The following NT5E variants were observed in gnomAD, a reference collection of about 807,000 sequenced individuals.
NT5E encodes 5'-nucleotidase ecto.
Under a neutral mutation model 55.1 loss-of-function variants are expected in NT5E, and 53 were observed. That is an observed-to-expected ratio of 0.96 (90% CI 0.77 to 1.21). NT5E has a LOEUF of 1.21. NT5E is among the 50% of genes most tolerant of loss of function. NT5E has a pLI of 0.00. For missense variants in NT5E, 683 were observed against 724.3 expected (o/e 0.94, Z 0.65); for synonymous variants, 270 against 278.4 (o/e 0.97, Z 0.30).
At chr6:85,490,408 G>T in intron 6 of NT5E, 100 bp from the exon 7 acceptor site, 1 of 1,336,422 alleles carries the variant, frequency 7.5e-7, no homozygotes. Flanking sequence ...AGCTTCCCAT[G>T]TCCCCCTCAT....
At chr6:85,463,990 G>A (rs1044400446) in intron 1 of NT5E, among the ~76,000 whole-genome samples, 32 of 151,088 alleles carry the variant, frequency 2.1e-4, no homozygotes, top group African/African-American at 6.3e-4. Context: ...ATTCAACAGT[G>A]AATCCCTGCC....
intron 4 of NT5E, 29 bp downstream of exon 4, chr6:85,485,461 C>T: frequency 6.2e-7 from 1 of 1,605,402 alleles, no homozygotes; most frequent in Non-Finnish European, 8.5e-7. Flanking sequence ...AATGTTCCAC[C>T]AATCTAAAAT....
rs987442742 is a variant in NT5E at position 85,488,572 on chromosome 6, TTTAA to T, written c.1105-911_1105-908del. Among the ~76,000 whole-genome samples the T allele has an allele frequency of 7.2e-5, 11 of 152,048 alleles. No individual in the cohort carries two copies. The South Asian group carries it at 1.0e-3, about 14-fold the overall frequency. ...CTTTTGCTTTTTATTTATTTATTTA[TTTAA>T]TTAATTAATTTATTTATTTATTGAG... On this transcript the variant is annotated intron_variant, in intron 5 of 8. Transcript: ENST00000257770.
In NT5E at chr6:85,450,583, G is replaced by A. The variant is rs916876955; in HGVS notation, c.339+105G>A. On this transcript the variant is annotated intron_variant, in intron 1 of 8. Transcript: ENST00000257770. This position sits in a 1 kb window ranked among gnomAD's most constrained non-coding sequence, Gnocchi z 4.0. ...TGTGGCAAGCCTAGGTCCAGGGCGC[G>A]GAGAGATGTGGGGATAAAGTGAGAC... 1.0e-4 allele frequency: 106 copies of A among 1,059,600 alleles called. No homozygotes were observed. Among genetic ancestry groups the A allele is most frequent in the Admixed American group, 2.0e-4 (10 of 50,248 alleles). 65.6% of individuals were successfully genotyped at this position (1,059,600 alleles called of 1,614,324 possible).
rs919652588 is a variant in NT5E, at chr6:85,490,506, A to T, written c.1211-2A>T. The T allele has an allele frequency of 1.9e-6, 3 of 1,614,078 alleles. No individual in the cohort carries two copies. Among genetic ancestry groups the T allele is most frequent in the Admixed American group, 1.7e-5 (1 of 60,010 alleles). Reference sequence around the variant, plus strand: ...TCTTGCCTCATCTGTGACTACCCTCAGGCACAATTACCTGGGAGAACCTGG... The same window carrying T: ...TCTTGCCTCATCTGTGACTACCCTCTGGCACAATTACCTGGGAGAACCTGG... On this transcript the variant is annotated splice_acceptor_variant, in intron 6 of 8. Transcript: ENST00000257770. LOFTEE classifies it high-confidence loss of function.
In NT5E at chr6:85,451,396, C is replaced by T. The variant is rs1768854563; in HGVS notation, c.339+918C>T. Among the ~76,000 whole-genome samples the T allele has an allele frequency of 2.0e-5, 3 of 151,964 alleles. No individual in the cohort carries two copies. In the South Asian group the frequency reaches 6.2e-4, roughly 32 times the overall value. On this transcript the variant is annotated intron_variant, in intron 1 of 8. Transcript: ENST00000257770. ...ATGTGCAAAAGTTTAGTTCAAAGTC[C>T]CAAATGTTAGGTTAAAGGTAATGCC...
At chr6:85,452,972 T>A (rs1248554655) in intron 1 of NT5E, among the ~76,000 whole-genome samples, 1 of 152,100 alleles carries the variant, frequency 6.6e-6, no homozygotes, top group Non-Finnish European at 1.5e-5. Context: ...CAAAGAGGAA[T>A]TTCCTAGAAT....
Position 85,451,238 on chromosome 6 carries a change from G to GAAAT in NT5E, c.339+761_339+762insAATA, listed in dbSNP as rs1554199057. Among the ~76,000 whole-genome samples the GAAAT allele has an allele frequency of 3.9e-3, 597 of 152,000 alleles. 3 individuals are homozygous for GAAAT. Among genetic ancestry groups the GAAAT allele is most frequent in the African/African-American group, 0.013 (558 of 41,446 alleles). Reference sequence around the variant, plus strand: ...TAAGAAAAGGAAAGAAAGAAAGAAAGAGAAAGAAAGAAAGAAACTTCAGAG... The same window carrying GAAAT: ...TAAGAAAAGGAAAGAAAGAAAGAAAGAAATAGAAAGAAAGAAAGAAACTTCAGAG... On this transcript the variant is annotated intron_variant, in intron 1 of 8. Coordinates refer to ENST00000257770, the MANE Select transcript of NT5E (RefSeq NM_002526.4).
At chr6:85,464,611 T>G (rs1769154876) in intron 1 of NT5E, among the ~76,000 whole-genome samples, 1 of 152,196 alleles carries the variant, frequency 6.6e-6, no homozygotes. Flanking sequence ...TCATAAAGGC[T>G]GTGCTTCTGT....
chr6:85,486,653 T>A (rs1347888968), intron 4 of NT5E, among the ~76,000 whole-genome samples: 2 of 152,244 alleles, frequency 1.3e-5, no homozygotes, highest in Non-Finnish European at 2.9e-5. Context: ...CACGTGCTGT[T>A]GGCTCATTGT....
At chr6:85,486,030 C>T (rs1769652045) in intron 4 of NT5E, among the ~76,000 whole-genome samples, 1 of 152,124 alleles carries the variant, frequency 6.6e-6, no homozygotes, top group Non-Finnish European at 1.5e-5. Flanking sequence ...CCTGCGGTGC[C>T]AACAATGCAC....
chr6:85,481,807 T>C (rs1769556779), intron 3 of NT5E, among the ~76,000 whole-genome samples: 1 of 152,188 alleles, frequency 6.6e-6, no homozygotes, highest in Non-Finnish European at 1.5e-5. Flanking sequence ...TTTTGAAATA[T>C]CTAAAACCAG....
At chr6:85,464,186 C>T (rs1219278538) in intron 1 of NT5E, among the ~76,000 whole-genome samples, 1 of 151,146 alleles carries the variant, frequency 6.6e-6, no homozygotes, top group Non-Finnish European at 1.5e-5. Context: ...CTAGTCCCAG[C>T]TCCCCCTTAC....
At chr6:85,459,434 C>T (rs1202429705) in intron 1 of NT5E, among the ~76,000 whole-genome samples, 1 of 152,194 alleles carries the variant, frequency 6.6e-6, no homozygotes, top group Non-Finnish European at 1.5e-5. Flanking sequence ...TTTTCTTCTG[C>T]ATCATGCATC....
intron 2 of NT5E, among the ~76,000 whole-genome samples, chr6:85,467,598 G>A (rs1197505856): frequency 6.6e-6 from 1 of 152,144 alleles, no homozygotes; most frequent in South Asian, 2.1e-4. Flanking sequence ...TAGAGAATGA[G>A]AGCCTCAAAA....
intron 2 of NT5E, among the ~76,000 whole-genome samples, chr6:85,468,178 G>T (rs183353602): frequency 5.4e-4 from 82 of 152,294 alleles, no homozygotes; most frequent in South Asian, 3.5e-3. Flanking sequence ...TATATTTACT[G>T]TTGTTGTTGT....
chr6:85,490,789 C>A, intron 7 of NT5E, 132 bp downstream of exon 7: 1 of 946,338 alleles, frequency 1.1e-6, no homozygotes, highest in Non-Finnish European at 1.6e-6. Flanking sequence ...AACACCAATA[C>A]CTTACCCTTT....
chr6:85,467,161 G>A lies in NT5E; in HGVS notation c.441G>A (p.Lys147=). The A allele has an allele frequency of 6.2e-7, 1 of 1,614,120 alleles. No individual in the cohort carries two copies. Among genetic ancestry groups the A allele is most frequent in the Non-Finnish European group, 8.5e-7 (1 of 1,180,002 alleles). ...FPILSANIKA[K]GPLASQISGL... is the part of the protein sequence containing the mutation. Reference sequence around the variant, plus strand: ...TTCTGAGTGCAAACATTAAAGCAAAGGGGCCACTAGCATCTCAAATATCAG... The same window carrying A: ...TTCTGAGTGCAAACATTAAAGCAAAAGGGCCACTAGCATCTCAAATATCAG... The change falls in exon 2 of 9, where the codon AAG becomes AAA. Residue 147 remains lysine (K), a synonymous_variant. Transcript: ENST00000257770.
At chr6:85,489,832 T>C (rs921794734) in intron 6 of NT5E, among the ~76,000 whole-genome samples, 2 of 152,190 alleles carry the variant, frequency 1.3e-5, no homozygotes, top group Non-Finnish European at 1.5e-5. Flanking sequence ...ACACAGAAGC[T>C]GCAGGTAAGG....
Sources: gnomAD v4.1 joint callset for allele counts (sites outside exome capture counted in the v4.1 genomes callset) on GRCh38, gnomAD v4.1.1 for gene constraint, Gnocchi (gnomAD v3.1) non-coding constraint, MANE v1.5 for transcripts, NCBI Gene and HGNC (gene_info 2026-07-23, HGNC 2026-07-21) for gene names.